Variants in NTN1 observed in about 807,000 individuals in gnomAD.
The protein encoded by NTN1 is netrin-1.
NTN1 carries 11 observed loss-of-function variants against 54.2 expected under a neutral mutation model. The observed-to-expected ratio is 0.20, with a 90% CI of 0.13 to 0.34. The LOEUF (loss-of-function observed/expected upper bound fraction) is 0.34, where lower values mean the gene tolerates loss of function less well. NTN1 is among the 10% of genes least tolerant of loss of function. NTN1 has a pLI of 1.00. For missense variants in NTN1, 740 were observed against 893.1 expected, an observed-to-expected ratio of 0.83 and a Z score of 2.18; for synonymous variants, 371 against 382.0, an observed-to-expected ratio of 0.97 and a Z score of 0.33.
chr17:9,128,890 C>T (rs1192451852), intron 2 of NTN1, among the ~76,000 whole-genome samples: 5 of 152,252 alleles, frequency 3.3e-5, no homozygotes, highest in East Asian at 3.9e-4. Context: ...AAAGCCCATT[C>T]GCCATTTATC....
chr17:9,197,842 C>T (rs1904679494), intron 5 of NTN1, among the ~76,000 whole-genome samples: 1 of 152,186 alleles, frequency 6.6e-6, no homozygotes, highest in African/African-American at 2.4e-5. Flanking sequence ...CCACCTCCTT[C>T]AGCCCAAGGA....
chr17:9,009,441 T>C, the NTN1 span, among the ~76,000 whole-genome samples: 1 of 152,354 alleles, frequency 6.6e-6, no homozygotes, highest in Middle Eastern at 3.4e-3. Context: ...GTGATGCTCC[T>C]GCCTGATATC....
chr17:9,201,011 GT>G (rs947152198), intron 5 of NTN1, among the ~76,000 whole-genome samples: 1 of 151,854 alleles, frequency 6.6e-6, no homozygotes. Flanking sequence ...ATGGGCTGCT[GT>G]TTTTTTTAAT....
At chr17:9,096,307 T>C (rs1344094717) in intron 2 of NTN1, among the ~76,000 whole-genome samples, 1 of 151,772 alleles carries the variant, frequency 6.6e-6, no homozygotes, top group Non-Finnish European at 1.5e-5. Context: ...TTTATGTATT[T>C]ATTCAGTGAC....
At chr17:9,028,960 T>C (rs2151508921) in intron 2 of NTN1, among the ~76,000 whole-genome samples, 1 of 151,684 alleles carries the variant, frequency 6.6e-6, no homozygotes, top group Admixed American at 6.6e-5. Context: ...TTTCAGAAGG[T>C]GTTAATCATA....
intron 6 of NTN1, among the ~76,000 whole-genome samples, chr17:9,230,618 G>A (rs1003816020): frequency 9.2e-5 from 14 of 152,164 alleles, no homozygotes; most frequent in South Asian, 4.1e-4. Flanking sequence ...AGCTTGCTCT[G>A]GTGAGAGCCC....
the NTN1 span, among the ~76,000 whole-genome samples, chr17:9,013,665 C>T: frequency 1.3e-5 from 2 of 152,200 alleles, no homozygotes; most frequent in African/African-American, 2.4e-5. Context: ...TTGCTGTTGC[C>T]ATCAGTCCAG....
intron 2 of NTN1, among the ~76,000 whole-genome samples, chr17:9,158,796 G>C (rs73976420): frequency 6.6e-5 from 10 of 152,302 alleles, no homozygotes; most frequent in African/African-American, 2.4e-4. Context: ...CTCTTTCTTT[G>C]CACTTGGTTG....
At chr17:9,035,032 C>T (rs915742464) in intron 2 of NTN1, among the ~76,000 whole-genome samples, 1 of 152,154 alleles carries the variant, frequency 6.6e-6, no homozygotes, top group Non-Finnish European at 1.5e-5. Flanking sequence ...CTGCAAGCTC[C>T]GCCTCCCAGG....
chr17:9,234,332 C>G (rs1265507959), intron 6 of NTN1, among the ~76,000 whole-genome samples: 1 of 152,220 alleles, frequency 6.6e-6, no homozygotes, highest in Non-Finnish European at 1.5e-5. Context: ...TCACCGAGCT[C>G]TGTGGCTGGT....
rs144666227 is a variant in NTN1 at position 9,161,693 on chromosome 17, G to C, written c.1019-1120G>C. Among the ~76,000 whole-genome samples the C allele has an allele frequency of 1.7e-4, 26 of 152,258 alleles. No individual in the cohort carries two copies. The East Asian group carries it at 4.6e-3, about 27-fold the overall frequency. ...CTTAGGAGGGTGAGGCAAGAGAATC[G>C]CTTGAACCCGGGAGGCGGAGGTTGC... On this transcript the variant is annotated intron_variant, in intron 2 of 6. Transcript: ENST00000173229.
chr17:9,091,862 G>C (rs34702802), intron 2 of NTN1, among the ~76,000 whole-genome samples: 14,560 of 152,072 alleles, frequency 0.096, 782 homozygotes, highest in Non-Finnish European at 0.11. Flanking sequence ...CTATACCCCT[G>C]AAACAACTTC....
intron 2 of NTN1, among the ~76,000 whole-genome samples, chr17:9,076,976 A>C (rs1157493154): frequency 2.6e-5 from 4 of 152,040 alleles, no homozygotes; most frequent in Non-Finnish European, 5.9e-5. Flanking sequence ...GTGTAGACCC[A>C]GCTGCTGCCT....
chr17:9,070,685 G>T (rs992084637), intron 2 of NTN1, among the ~76,000 whole-genome samples: 1 of 152,034 alleles, frequency 6.6e-6, no homozygotes, highest in East Asian at 1.9e-4. Flanking sequence ...TCCGCCTCCC[G>T]GGTTCAAATG....
chr17:9,107,751 T>C (rs2092172513), intron 2 of NTN1, among the ~76,000 whole-genome samples: 1 of 152,268 alleles, frequency 6.6e-6, no homozygotes, highest in Admixed American at 6.5e-5. Context: ...GTTTAAGTAC[T>C]GTTATAGCTG....
chr17:9,214,419 GCTTGC>G lies in NTN1; in HGVS notation c.1412-6744_1412-6740del, dbSNP rs558496514. Among the ~76,000 whole-genome samples the G allele has an allele frequency of 1.8e-3, 269 of 152,248 alleles. 1 individual carries two copies. Among genetic ancestry groups the G allele is most frequent in the South Asian group, 3.7e-3 (18 of 4,816 alleles). Reference sequence around the variant, plus strand: ...GATGTTCTTTTTCCACTATAAACATGCTTGCCTTGAATTCTACTTTGCTGATACTA... The same window carrying G: ...GATGTTCTTTTTCCACTATAAACATGCTTGAATTCTACTTTGCTGATACTA... On this transcript the variant is annotated intron_variant, in intron 5 of 6. Coordinates refer to ENST00000173229, the MANE Select transcript of NTN1 (RefSeq NM_004822.3).
chr17:9,056,671 G>T (rs7214529), intron 2 of NTN1, among the ~76,000 whole-genome samples: 2 of 151,912 alleles, frequency 1.3e-5, no homozygotes, highest in Non-Finnish European at 1.5e-5. Context: ...GGCCGAGGAA[G>T]GGCACTCGTG....
At position 9,219,719 on chromosome 17, in the gene NTN1, C is replaced by T. The variant is rs1389672445; in HGVS notation, c.1412-1449C>T. Among the ~76,000 whole-genome samples, 1 of 152,218 alleles carries T rather than the reference C, an allele frequency of 6.6e-6. No homozygotes were observed. Among genetic ancestry groups the T allele is most frequent in the Non-Finnish European group, 1.5e-5 (1 of 68,034 alleles). On this transcript the variant is annotated intron_variant, in intron 5 of 6. Transcript: ENST00000173229. The surrounding 1 kb of genome is among the most constrained non-coding windows in gnomAD (Gnocchi z 4.5). ...GCACTGGGAGGCCTCTGCTTTCCTGCTTCGGCTTCCCCTTGTGCTCCCACA... is the reference window on the plus strand; with the variant it reads ...GCACTGGGAGGCCTCTGCTTTCCTGTTTCGGCTTCCCCTTGTGCTCCCACA...
intron 2 of NTN1, among the ~76,000 whole-genome samples, chr17:9,060,643 T>C (rs932153596): frequency 6.6e-6 from 1 of 152,098 alleles, no homozygotes; most frequent in Non-Finnish European, 1.5e-5. Context: ...ACTCATAATA[T>C]CTGTTTTGCC....
Sources: allele counts gnomAD v4.1 joint callset (sites outside exome capture counted in the v4.1 genomes callset), GRCh38; gene constraint gnomAD v4.1.1; non-coding constraint Gnocchi (gnomAD v3.1); transcripts MANE v1.5; gene names NCBI Gene and HGNC (gene_info 2026-07-23, HGNC 2026-07-21).